WDR49: variants seen among roughly 807,000 people sequenced by gnomAD.
WDR49 encodes the protein cilia- and flagella-associated protein 337.
A neutral mutation model predicts 119.5 loss-of-function variants in WDR49; 107 were observed. That is an observed-to-expected ratio of 0.90 (90% CI 0.77 to 1.05). The LOEUF is 1.05. Ranked by LOEUF, WDR49 falls within the 50% of genes least tolerant of loss-of-function variation. WDR49 has a pLI of 0.00. For missense variants in WDR49, 1,240 were observed against 1,220.5 expected, an observed-to-expected ratio of 1.02 and a Z score of -0.24; for synonymous variants, 425 against 418.8, an observed-to-expected ratio of 1.01 and a Z score of -0.18.
chr3:167,628,056 T>C (rs188299256), intron 2 of WDR49, among the ~76,000 whole-genome samples: 159 of 152,136 alleles, frequency 1.0e-3, no homozygotes, highest in African/African-American at 3.8e-3. Context: ...TGTAATTGTT[T>C]TGGGGCACCA....
At chr3:167,515,723 C>T (rs1341780223) in intron 16 of WDR49, among the ~76,000 whole-genome samples, 2 of 152,106 alleles carry the variant, frequency 1.3e-5, no homozygotes, top group Non-Finnish European at 2.9e-5. Context: ...TGACATGATA[C>T]TATATCTAGA....
chr3:167,516,242 C>T (rs1227084200), intron 16 of WDR49, among the ~76,000 whole-genome samples: 1 of 146,940 alleles, frequency 6.8e-6, no homozygotes, highest in Non-Finnish European at 1.5e-5. Context: ...AATGCTATCC[C>T]TCCACCCTCC....
intron 2 of WDR49, 37 bp downstream of exon 2, chr3:167,653,224 C>A (rs1384564141): frequency 6.5e-7 from 1 of 1,534,586 alleles, no homozygotes; most frequent in African/African-American, 1.4e-5. Flanking sequence ...CCTTCATGAA[C>A]AACTCAAACT....
chr3:167,543,745 C>T (rs974565914), intron 10 of WDR49, among the ~76,000 whole-genome samples: 3 of 151,918 alleles, frequency 2.0e-5, no homozygotes, highest in Non-Finnish European at 1.5e-5. Context: ...CAAAAATGCC[C>T]ACTTTCACCA....
intron 18 of WDR49, among the ~76,000 whole-genome samples, chr3:167,490,758 T>G (rs1255078097): frequency 6.6e-6 from 1 of 152,072 alleles, no homozygotes; most frequent in Non-Finnish European, 1.5e-5. Flanking sequence ...TTGAACTATT[T>G]TTGCCCCTCT....
intron 2 of WDR49, among the ~76,000 whole-genome samples, chr3:167,637,675 G>A (rs529752780): frequency 1.0e-3 from 158 of 151,926 alleles, no homozygotes; most frequent in African/African-American, 3.7e-3. Context: ...TTTCAGCAGT[G>A]TTTTGTAGTT....
chr3:167,490,265 A>C (rs1751083595), intron 18 of WDR49, among the ~76,000 whole-genome samples: 1 of 152,166 alleles, frequency 6.6e-6, no homozygotes, highest in South Asian at 2.1e-4. Flanking sequence ...TTCACATATT[A>C]ATGACTTCTG....
At chr3:167,507,253 G>C (rs997538421) in intron 16 of WDR49, among the ~76,000 whole-genome samples, 1 of 152,014 alleles carries the variant, frequency 6.6e-6, no homozygotes, top group Non-Finnish European at 1.5e-5. Flanking sequence ...TCTTTTAGGA[G>C]AGCTTTGTCA....
chr3:167,625,012 T>G (rs535842118), intron 3 of WDR49, among the ~76,000 whole-genome samples: 1 of 152,172 alleles, frequency 6.6e-6, no homozygotes, highest in East Asian at 1.9e-4. Context: ...TGCTCAGTCT[T>G]TCATTTGTAA....
intron 9 of WDR49, among the ~76,000 whole-genome samples, chr3:167,558,006 C>T (rs1713046110): frequency 6.6e-6 from 1 of 152,136 alleles, no homozygotes; most frequent in South Asian, 2.1e-4. Flanking sequence ...ATCCCAGCTA[C>T]TCAGGAGGAG....
At chr3:167,480,901 T>C (rs1339477240) in intron 18 of WDR49, among the ~76,000 whole-genome samples, 1 of 152,162 alleles carries the variant, frequency 6.6e-6, no homozygotes, top group Admixed American at 6.5e-5. Context: ...AGAAGCTCTC[T>C]GGGACCTGGT....
intron 18 of WDR49, among the ~76,000 whole-genome samples, chr3:167,480,016 A>G (rs1363297552): frequency 6.6e-6 from 1 of 152,012 alleles, no homozygotes; most frequent in African/African-American, 2.4e-5. Flanking sequence ...GAATTGCCTG[A>G]GGTCAGGAGT....
At chr3:167,502,630 C>A (rs1751617473) in intron 17 of WDR49, among the ~76,000 whole-genome samples, 1 of 152,232 alleles carries the variant, frequency 6.6e-6, no homozygotes, top group East Asian at 1.9e-4. Context: ...CCATATTATG[C>A]CTTACCAAAG....
At chr3:167,547,301 C>T (rs1476482976) in intron 10 of WDR49, among the ~76,000 whole-genome samples, 2 of 151,680 alleles carry the variant, frequency 1.3e-5, no homozygotes, top group Non-Finnish European at 2.9e-5. Context: ...ATATCAATAG[C>T]TATTTATTGA....
chr3:167,524,998 G>T (rs1188119355), intron 15 of WDR49, among the ~76,000 whole-genome samples: 4 of 152,146 alleles, frequency 2.6e-5, no homozygotes, highest in African/African-American at 2.4e-5. Flanking sequence ...ACTTTGGGCA[G>T]TATGGCCATT....
intron 8 of WDR49, among the ~76,000 whole-genome samples, chr3:167,563,373 A>AAAAAG (rs1560287622): frequency 5.1e-5 from 7 of 136,260 alleles, no homozygotes; most frequent in African/African-American, 2.5e-4. Flanking sequence ...AAAAAAAAAA[A>AAAAAG]AAAAGAAAGA....
At position 167,570,924 on chromosome 3, in the gene WDR49, T is replaced by C. The variant is rs571723714; in HGVS notation, c.1509+4994A>G. Among the ~76,000 whole-genome samples, 9 of 150,992 alleles carry C rather than the reference T, an allele frequency of 6.0e-5. No homozygotes were observed. In the East Asian group the frequency reaches 1.6e-3, roughly 26 times the overall value. ...GGTGGCGCACACCTGTAATCCCAGCTACTCAGGAGGTTGAGGTAGGAACCC... is the reference window on the plus strand; with the variant it reads ...GGTGGCGCACACCTGTAATCCCAGCCACTCAGGAGGTTGAGGTAGGAACCC... On this transcript the variant is annotated intron_variant, in intron 8 of 18. Transcript: ENST00000682715.
intron 9 of WDR49, 32 bp downstream of exon 9, chr3:167,560,032 A>G (rs1342982997): frequency 1.9e-6 from 3 of 1,612,220 alleles, no homozygotes; most frequent in South Asian, 2.2e-5. Flanking sequence ...GTCTCCTCAT[A>G]TCTGGATAGA....
chr3:167,554,397 G>A (rs756655719), intron 10 of WDR49, among the ~76,000 whole-genome samples: 2 of 152,142 alleles, frequency 1.3e-5, no homozygotes, highest in Non-Finnish European at 2.9e-5. Flanking sequence ...AACCTAGGAA[G>A]TGGTAATACA....
Sources: allele counts gnomAD v4.1 joint callset (sites outside exome capture counted in the v4.1 genomes callset), GRCh38; gene constraint gnomAD v4.1.1; transcripts MANE v1.5; gene names NCBI Gene and HGNC (gene_info 2026-07-23, HGNC 2026-07-21).